The following FADS2 variants were observed in gnomAD, a reference collection of about 807,000 sequenced individuals.
FADS2 encodes acyl-CoA 6-desaturase.
A neutral mutation model predicts 61.2 loss-of-function variants in FADS2; 18 were observed. That is an observed-to-expected ratio of 0.29 (90% CI 0.20 to 0.44). The LOEUF (loss-of-function observed/expected upper bound fraction) is 0.44, where lower values mean the gene tolerates loss of function less well. Ranked by LOEUF, FADS2 falls within the 20% of genes least tolerant of loss-of-function variation. The pLI is 1.00. For synonymous variants in FADS2, 203 were observed against 223.9 expected (o/e 0.91, Z 0.83); for missense variants, 322 against 572.7 (o/e 0.56, Z 4.47).
chr11:61,844,949 A>T (rs1202964383), intron 4 of FADS2, among the ~76,000 whole-genome samples: 2 of 151,384 alleles, frequency 1.3e-5, no homozygotes, highest in Non-Finnish European at 2.9e-5. Context: ...AAAAAGAAAA[A>T]AGAAAGAAAA....
intron 1 of FADS2, 107 bp from the exon 2 acceptor site, chr11:61,837,671 T>A: frequency 1.4e-6 from 1 of 739,904 alleles, no homozygotes; most frequent in South Asian, 1.6e-5. Context: ...CCCCGTTTGG[T>A]GTCTGGGTGC....
At chr11:61,843,247 T>G (rs1264632455) in intron 4 of FADS2, among the ~76,000 whole-genome samples, 2 of 152,152 alleles carry the variant, frequency 1.3e-5, no homozygotes, top group Non-Finnish European at 2.9e-5. Flanking sequence ...CTGGGCCACA[T>G]AGCAAGACCC....
Position 61,821,362 on chromosome 11 carries a change from C to T in FADS2, c.141+4936C>T, listed in dbSNP as rs916531657. 6 of 700,030 alleles carry T rather than the reference C, an allele frequency of 8.6e-6. 1 individual carries two copies. The highest frequency in any genetic ancestry group is 7.4e-5 in the South Asian group (5 of 67,250). 43.4% of individuals were successfully genotyped at this position (700,030 alleles called of 1,614,324 possible). A position where few individuals can be genotyped will look rare whatever the true frequency, so the allele number is the denominator to read the frequency against. ...TAGTGAGACCCCTTCCTAACTGTCC[C>T]ACCATTTTCTCTCTAAAGAAAAGAA... On this transcript the variant is annotated intron_variant, in intron 1 of 11. Transcript: ENST00000257261.
At chr11:61,853,220 CTT>C (rs2067322920) in intron 5 of FADS2, among the ~76,000 whole-genome samples, 1 of 149,824 alleles carries the variant, frequency 6.7e-6, no homozygotes, top group African/African-American at 2.4e-5. Context: ...TGTAGTCACT[CTT>C]TCTTTCTTCT....
Position 61,816,431 on chromosome 11 carries a change from G to C in FADS2, c.141+5G>C. 6.3e-7 allele frequency: 1 copy of C among 1,599,002 alleles called. No individual in the cohort carries two copies. The highest frequency in any genetic ancestry group is 8.5e-7 in the Non-Finnish European group (1 of 1,179,798). ...CACCCAATCACCGGGCAACAGGTAT[G>C]ATCAGGCGCCTCCGGGCTTTCCTCC... On this transcript the variant is annotated splice_donor_5th_base_variant and intron_variant, in intron 1 of 11. Transcript: ENST00000257261. This position sits in a 1 kb window ranked among gnomAD's most constrained non-coding sequence, Gnocchi z 7.0.
In FADS2 at chr11:61,816,865, C is replaced by A. The variant is rs935027235; in HGVS notation, c.141+439C>A. The A allele has an allele frequency of 5.9e-5, 87 of 1,478,556 alleles. No individual in the cohort carries two copies. The highest frequency in any genetic ancestry group is 7.0e-5 in the Non-Finnish European group (79 of 1,125,508). The allele number at this position is 1,478,556 out of a possible 1,614,324, so 91.6% of individuals were successfully genotyped here. A position where few individuals can be genotyped will look rare whatever the true frequency, so the allele number is the denominator to read the frequency against. On this transcript the variant is annotated intron_variant, in intron 1 of 11. Coordinates refer to the FADS2 transcript ENST00000257261. The surrounding 1 kb of genome is among the most constrained non-coding windows in gnomAD (Gnocchi z 7.0). Reference sequence around the variant, plus strand: ...TTGCTGGCGCGCGCCCAGAGCCAGCCGCCTGCGCGCCGGGTTTTCAGCACC... The same window carrying A: ...TTGCTGGCGCGCGCCCAGAGCCAGCAGCCTGCGCGCCGGGTTTTCAGCACC...
chr11:61,862,967 C>A lies in FADS2; in HGVS notation c.883-5C>A. ...GGTTGCACCTAACTTCATCTTTCCCCGCAGGACCTGGCCTGGGCCGTCAGC... is the reference window on the plus strand; with the variant it reads ...GGTTGCACCTAACTTCATCTTTCCCAGCAGGACCTGGCCTGGGCCGTCAGC... On this transcript the variant is annotated splice_region_variant and splice_polypyrimidine_tract_variant and intron_variant, in intron 7 of 11. Coordinates refer to ENST00000278840, the MANE Select transcript of FADS2 (RefSeq NM_004265.4). 1 of 1,613,690 alleles carries A rather than the reference C, an allele frequency of 6.2e-7. No homozygotes were observed. Among genetic ancestry groups the A allele is most frequent in the Non-Finnish European group, 8.5e-7 (1 of 1,179,578 alleles).
rs563066184 is a variant in FADS2 at position 61,857,081 on chromosome 11, C to T, written c.805+10C>T. The stretch of plus-strand genomic sequence containing the variant: ...GAATACTTCTTCCTGAGTGAGTGCT[C>T]GGCGCCCCGAAATCACTCTGGGACC... On this transcript the variant is annotated intron_variant, in intron 6 of 11. Coordinates refer to ENST00000278840, the MANE Select transcript of FADS2 (RefSeq NM_004265.4). 1.4e-4 allele frequency: 220 copies of T among 1,612,244 alleles called. No individual in the cohort carries two copies. Among genetic ancestry groups the T allele is most frequent in the Admixed American group, 3.8e-4 (23 of 59,978 alleles).
chr11:61,857,594 G>A (rs2067373089), intron 7 of FADS2, 64 bp downstream of exon 7: 3 of 1,422,712 alleles, frequency 2.1e-6, no homozygotes, highest in African/African-American at 1.4e-5. Context: ...GGGACCCGGG[G>A]GTCCTACGCT....
chr11:61,822,247 G>A (rs546015557), intron 1 of FADS2, among the ~76,000 whole-genome samples: 6 of 152,352 alleles, frequency 3.9e-5, no homozygotes, highest in African/African-American at 1.4e-4. Context: ...GGGATTACAG[G>A]CGTGAGCCAC....
intron 1 of FADS2, among the ~76,000 whole-genome samples, chr11:61,822,881 G>T (rs2067045330): frequency 6.6e-6 from 1 of 152,068 alleles, no homozygotes; most frequent in South Asian, 2.1e-4. Flanking sequence ...TGTTGCGATG[G>T]ATATTTTTGT....
At chr11:61,818,107 A>G (rs1386464196) in intron 1 of FADS2, among the ~76,000 whole-genome samples, 1 of 152,260 alleles carries the variant, frequency 6.6e-6, no homozygotes, top group East Asian at 1.9e-4. Flanking sequence ...AACTGTCCCA[A>G]GCACTGAGCT....
At chr11:61,863,410 G>C (rs2067433971) in intron 9 of FADS2, 32 bp downstream of exon 9, 1 of 1,489,276 alleles carries the variant, frequency 6.7e-7, no homozygotes, top group Non-Finnish European at 9.4e-7. Context: ...ACCAGAGCCT[G>C]GTCCCAATGT....
Position 61,828,416 on chromosome 11 carries a change from A to T in FADS2, c.26A>T (p.Glu9Val). The T allele has an allele frequency of 6.3e-7, 1 of 1,576,040 alleles. No individual in the cohort carries two copies. Residue 9 changes from glutamate (E) to valine (V), a missense_variant, in exon 1 of 12, where the codon GAG (glutamate) becomes GTG (valine). Transcript: ENST00000278840. The surrounding 1 kb of genome is among the most constrained non-coding windows in gnomAD (Gnocchi z 6.4). Reference sequence around the variant, plus strand: ...ATGGGGAAGGGAGGGAACCAGGGCGAGGGGGCCGCCGAGCGCGAGGTGTCG... The same window carrying T: ...ATGGGGAAGGGAGGGAACCAGGGCGTGGGGGCCGCCGAGCGCGAGGTGTCG... MGKGGNQGEGAAEREVSVP... is the reference protein window; with the variant it reads MGKGGNQGVGAAEREVSVP...
chr11:61,863,621 C>T (rs956750875), intron 9 of FADS2, 86 bp from the exon 10 acceptor site: 2 of 1,185,174 alleles, frequency 1.7e-6, no homozygotes, highest in Admixed American at 1.8e-5. Flanking sequence ...GGCCTGGAGA[C>T]CCTGGGTAAG....
At chr11:61,834,270 C>T (rs758395375) in intron 1 of FADS2, among the ~76,000 whole-genome samples, 34 of 152,194 alleles carry the variant, frequency 2.2e-4, no homozygotes, top group Non-Finnish European at 4.1e-4. Flanking sequence ...ACAGACTGCT[C>T]GGTTTTCTAA....
intron 1 of FADS2, chr11:61,817,258 A>G (rs983550974): frequency 9.7e-6 from 3 of 308,230 alleles, no homozygotes; most frequent in Non-Finnish European, 1.8e-5. Context: ...GCGGTCGCGG[A>G]CATCATCTTT....
chr11:61,855,505 C>T (rs1230387469), intron 5 of FADS2: 2 of 152,258 alleles, frequency 1.3e-5, no homozygotes, highest in Non-Finnish European at 2.9e-5. Context: ...TGGCCGGCCT[C>T]AGCCCTGGCC....
intron 1 of FADS2, among the ~76,000 whole-genome samples, chr11:61,833,540 A>G (rs919478404): frequency 6.6e-6 from 1 of 152,294 alleles, no homozygotes; most frequent in African/African-American, 2.4e-5. Flanking sequence ...CTCAAACTCT[A>G]CTCAGCTCAT....
Sources: allele counts gnomAD v4.1 joint callset (sites outside exome capture counted in the v4.1 genomes callset), GRCh38; gene constraint gnomAD v4.1.1; non-coding constraint Gnocchi (gnomAD v3.1); transcripts MANE v1.5; gene names NCBI Gene and HGNC (gene_info 2026-07-23, HGNC 2026-07-21).